GHR: variants seen among roughly 807,000 people sequenced by gnomAD.
GHR encodes GH receptor.
GHR carries 35 observed loss-of-function variants against 67.1 expected under a neutral mutation model. The ratio of observed to expected loss-of-function variants is 0.52; its 90% confidence interval spans 0.40 to 0.69. The LOEUF is 0.69. GHR is among the 30% of genes least tolerant of loss of function. The pLI, the probability that GHR is intolerant of heterozygous loss-of-function variation, is 0.00. For synonymous variants in GHR, 272 were observed against 269.1 expected (o/e 1.01, Z -0.10); for missense variants, 792 against 764.6 (o/e 1.04, Z -0.42).
In GHR at chr5:42,474,210, A is replaced by G. The variant is rs111797932; in HGVS notation, c.-12+50255A>G. Among the ~76,000 whole-genome samples the G allele has an allele frequency of 2.2e-3, 326 of 150,332 alleles. 2 individuals are homozygous for G. Among genetic ancestry groups the G allele is most frequent in the African/African-American group, 7.6e-3 (310 of 40,704 alleles). On this transcript the variant is annotated intron_variant, in intron 1 of 9. Transcript: ENST00000230882. ...TCTCTGAAAGAGAGAGAGAGATGAAAGAGAGAGAGAGAGAAAGAAAAAGAA... is the reference window on the plus strand; with the variant it reads ...TCTCTGAAAGAGAGAGAGAGATGAAGGAGAGAGAGAGAGAAAGAAAAAGAA...
At chr5:42,468,621 G>T in intron 1 of GHR, 2 of 1,051,936 alleles carry the variant, frequency 1.9e-6, no homozygotes, top group Non-Finnish European at 2.9e-6. Flanking sequence ...ACGCTGGAGG[G>T]CAGCGGGTTC....
In GHR at chr5:42,693,905, T is replaced by G. The variant is rs141185916; in HGVS notation, c.267-1012T>G. 4.9e-4 allele frequency among the ~76,000 whole-genome samples: 74 copies of G among 152,342 alleles called. 2 individuals carry two copies. The South Asian group carries it at 8.9e-3, about 18-fold the overall frequency. ...AGTGAATAACATGGAGATGATGAACTACCTCACCCAAGTAGCAATTCTAAT... is the reference window on the plus strand; with the variant it reads ...AGTGAATAACATGGAGATGATGAACGACCTCACCCAAGTAGCAATTCTAAT... On this transcript the variant is annotated intron_variant, in intron 4 of 9. Transcript: ENST00000230882.
At chr5:42,621,096 TG>T (rs1283881954) in intron 2 of GHR, among the ~76,000 whole-genome samples, 1 of 152,144 alleles carries the variant, frequency 6.6e-6, no homozygotes, top group African/African-American at 2.4e-5. Flanking sequence ...TTACTGATTA[TG>T]GCCTGGTATT....
chr5:42,468,561 T>C (rs553989592), intron 1 of GHR: 45 of 893,214 alleles, frequency 5.0e-5, no homozygotes, highest in South Asian at 4.3e-4. Flanking sequence ...ATTCCTTCTT[T>C]CTTAAGCACC....
intron 5 of GHR, among the ~76,000 whole-genome samples, chr5:42,695,355 A>C (rs553442083): frequency 2.0e-5 from 3 of 152,336 alleles, no homozygotes; most frequent in Non-Finnish European, 4.4e-5. Flanking sequence ...CCTTTAGGAT[A>C]TCTTTGAAGC....
intron 3 of GHR, among the ~76,000 whole-genome samples, chr5:42,674,818 C>T (rs188458612): frequency 9.2e-5 from 14 of 152,176 alleles, no homozygotes; most frequent in African/African-American, 3.4e-4. Context: ...CATTCTTGCA[C>T]ATGTTTTTGT....
intron 3 of GHR, among the ~76,000 whole-genome samples, chr5:42,662,243 C>A (rs1755679761): frequency 6.6e-6 from 1 of 152,154 alleles, no homozygotes; most frequent in African/African-American, 2.4e-5. Context: ...CTCAGCTCTG[C>A]ACCAAGCGGA....
chr5:42,676,006 G>T (rs770663011), intron 3 of GHR, among the ~76,000 whole-genome samples: 1 of 152,158 alleles, frequency 6.6e-6, no homozygotes, highest in African/African-American at 2.4e-5. Flanking sequence ...GAAGAAATTG[G>T]CTGGGTATGG....
At chr5:42,546,609 A>G (rs1748742507) in intron 1 of GHR, among the ~76,000 whole-genome samples, 1 of 152,192 alleles carries the variant, frequency 6.6e-6, no homozygotes. Context: ...ACTAGTAAAT[A>G]TTAGTTAGTC....
At chr5:42,666,951 T>A (rs1756015511) in intron 3 of GHR, among the ~76,000 whole-genome samples, 1 of 152,166 alleles carries the variant, frequency 6.6e-6, no homozygotes, top group Non-Finnish European at 1.5e-5. Context: ...TGGTGAAAAG[T>A]CGTAGGTTTC....
chr5:42,687,744 G>A (rs930409346), intron 3 of GHR, among the ~76,000 whole-genome samples: 2 of 152,070 alleles, frequency 1.3e-5, no homozygotes, highest in Non-Finnish European at 2.9e-5. Flanking sequence ...TCAAAGTATT[G>A]ACAAAGATAC....
intron 6 of GHR, among the ~76,000 whole-genome samples, chr5:42,707,670 T>C (rs2111791882): frequency 6.6e-6 from 1 of 152,098 alleles, no homozygotes; most frequent in South Asian, 2.1e-4. Context: ...ATATTTCACC[T>C]CCTTTGTTAA....
At chr5:42,481,440 G>A (rs947994417) in intron 1 of GHR, among the ~76,000 whole-genome samples, 2 of 152,162 alleles carry the variant, frequency 1.3e-5, no homozygotes, top group African/African-American at 2.4e-5. Context: ...GGCCTGCCTT[G>A]CTAGATTGGG....
intron 1 of GHR, among the ~76,000 whole-genome samples, chr5:42,505,295 C>T (rs904646827): frequency 6.6e-6 from 1 of 151,848 alleles, no homozygotes; most frequent in East Asian, 1.9e-4. Flanking sequence ...TGAGCCCAGT[C>T]CAAGTCATTA....
intron 3 of GHR, among the ~76,000 whole-genome samples, chr5:42,686,792 A>G (rs116803497): frequency 6.6e-6 from 1 of 152,188 alleles, no homozygotes; most frequent in African/African-American, 2.4e-5. Context: ...CTCTCTCACC[A>G]TTCCTTTTCA....
intron 2 of GHR, among the ~76,000 whole-genome samples, chr5:42,585,882 G>A (rs1421029157): frequency 6.6e-6 from 1 of 152,130 alleles, no homozygotes; most frequent in African/African-American, 2.4e-5. Flanking sequence ...TAAAGCTGAA[G>A]GCAGTTAAGA....
rs529328041 is a variant in GHR, at chr5:42,717,116, G to A, written c.876-936G>A. Among the ~76,000 whole-genome samples the A allele has an allele frequency of 9.9e-5, 15 of 152,188 alleles. No individual in the cohort carries two copies. In the South Asian group the frequency reaches 2.7e-3, roughly 27 times the overall value. ...TGAGGCCAGGAGTTCCAGACAGCTCGGGCAATGACTAGAGCAAGACTCCAT... is the reference window on the plus strand; with the variant it reads ...TGAGGCCAGGAGTTCCAGACAGCTCAGGCAATGACTAGAGCAAGACTCCAT... On this transcript the variant is annotated intron_variant, in intron 8 of 9. Transcript: ENST00000230882.
intron 3 of GHR, among the ~76,000 whole-genome samples, chr5:42,650,576 A>ACATATATATATATAT (rs1238563261): frequency 3.6e-4 from 19 of 53,368 alleles, no homozygotes; most frequent in African/African-American, 1.5e-3. Flanking sequence ...TTTTACAGAT[A>ACATATATATATATAT]ACATATATAT....
chr5:42,562,253 A>C (rs1749649974), intron 1 of GHR, among the ~76,000 whole-genome samples: 1 of 152,174 alleles, frequency 6.6e-6, no homozygotes, highest in African/African-American at 2.4e-5. Flanking sequence ...GGCCTGGCTC[A>C]TGTGAGGGCA....
Sources: allele counts gnomAD v4.1 joint callset (sites outside exome capture counted in the v4.1 genomes callset), GRCh38; gene constraint gnomAD v4.1.1; transcripts MANE v1.5; gene names NCBI Gene and HGNC (gene_info 2026-07-23, HGNC 2026-07-21).